The following PRR16 variants were observed in gnomAD, a reference collection of about 807,000 sequenced individuals.
The protein encoded by PRR16 is protein Largen.
PRR16 carries 6 observed loss-of-function variants against 18.2 expected under a neutral mutation model. The ratio of observed to expected loss-of-function variants is 0.33; its 90% CI spans 0.18 to 0.65. PRR16 has a LOEUF of 0.65. Ranked by LOEUF, PRR16 falls within the 30% of genes least tolerant of loss-of-function variation. PRR16 has a pLI of 0.74. For synonymous variants in PRR16, 151 were observed against 147.8 expected, an observed-to-expected ratio of 1.02 and a Z score of -0.16; for missense variants, 412 against 376.6, an observed-to-expected ratio of 1.09 and a Z score of -0.78.
the PRR16 span, among the ~76,000 whole-genome samples, chr5:120,695,918 A>G: frequency 1.0e-5 from 1 of 97,812 alleles, no homozygotes; most frequent in Non-Finnish European, 2.0e-5. Context: ...ATCTTATTCC[A>G]ACATATATAT....
At chr5:120,567,896 A>G (rs902620222) in intron 1 of PRR16, among the ~76,000 whole-genome samples, 1 of 152,114 alleles carries the variant, frequency 6.6e-6, no homozygotes, top group Non-Finnish European at 1.5e-5. Context: ...TAATACATAC[A>G]TGATTTATCA....
At chr5:120,563,142 C>T (rs1752627788) in intron 1 of PRR16, among the ~76,000 whole-genome samples, 1 of 151,896 alleles carries the variant, frequency 6.6e-6, no homozygotes, top group African/African-American at 2.4e-5. Context: ...ATATTTTTGC[C>T]AGCTATATTA....
At position 120,686,799 on chromosome 5, in the gene PRR16, C is replaced by T; in HGVS notation, c.*90C>T. The T allele has an allele frequency of 9.0e-7, 1 of 1,108,502 alleles. No homozygotes were observed. The highest frequency in any genetic ancestry group is 1.2e-6 in the Non-Finnish European group (1 of 835,398). 68.7% of individuals were successfully genotyped at this position (1,108,502 alleles called of 1,614,324 possible). A position where few individuals can be genotyped will look rare whatever the true frequency, so the allele number is the denominator to read the frequency against. On this transcript the variant is annotated 3_prime_UTR_variant, in exon 2 of 2. Coordinates refer to ENST00000407149, the MANE Select transcript of PRR16 (RefSeq NM_001300783.2). Reference sequence around the variant, plus strand: ...CACTTTCTACTCAAGCAATAAAAAGCCCAAATATATTAATCCTGCATTCAG... The same window carrying T: ...CACTTTCTACTCAAGCAATAAAAAGTCCAAATATATTAATCCTGCATTCAG...
downstream of PRR16, among the ~76,000 whole-genome samples, chr5:120,687,899 C>G (rs888766850): frequency 2.0e-5 from 3 of 152,200 alleles, no homozygotes; most frequent in Non-Finnish European, 2.9e-5. Flanking sequence ...TTATTAATTT[C>G]AACTGATGAG....
At chr5:120,667,379 A>G (rs1299310429) in intron 1 of PRR16, among the ~76,000 whole-genome samples, 10 of 150,700 alleles carry the variant, frequency 6.6e-5, no homozygotes, top group South Asian at 2.1e-4. Flanking sequence ...TGGTCTATCA[A>G]TTTTGTTGAT....
the PRR16 span, among the ~76,000 whole-genome samples, chr5:120,778,317 A>G: frequency 0.27 from 41,155 of 151,996 alleles, 5,939 homozygotes; most frequent in Non-Finnish European, 0.32. Flanking sequence ...AGATTTTATT[A>G]ATGTTGCACT....
intron 1 of PRR16, among the ~76,000 whole-genome samples, chr5:120,639,738 C>G (rs1185951973): frequency 2.0e-5 from 3 of 151,476 alleles, no homozygotes; most frequent in Admixed American, 1.3e-4. Flanking sequence ...TTGGAGGGTT[C>G]TCAAAGAACT....
intron 1 of PRR16, among the ~76,000 whole-genome samples, chr5:120,676,029 G>T (rs562532561): frequency 5.3e-5 from 8 of 152,136 alleles, no homozygotes; most frequent in African/African-American, 1.9e-4. Context: ...TTGGAAAAAA[G>T]AATTTAGTAA....
rs567418871 is a variant in PRR16, at chr5:120,572,400, G to T, written c.159+107755G>T. Among the ~76,000 whole-genome samples, 9 of 152,268 alleles carry T rather than the reference G, an allele frequency of 5.9e-5. No homozygotes were observed. In the South Asian group the frequency reaches 1.9e-3, roughly 31 times the overall value. ...ACTTGAGGGTAAAGGAAGAATCAGA[G>T]TTGAACTAATTTTTGTATTTCAACA... On this transcript the variant is annotated intron_variant, in intron 1 of 1. Coordinates refer to ENST00000407149, the MANE Select transcript of PRR16 (RefSeq NM_001300783.2).
At chr5:120,777,002 C>A in the PRR16 span, among the ~76,000 whole-genome samples, 1 of 151,886 alleles carries the variant, frequency 6.6e-6, no homozygotes, top group African/African-American at 2.4e-5. Context: ...ATTCAGAAAT[C>A]CTAGAAGGCT....
chr5:120,732,541 C>G, the PRR16 span, among the ~76,000 whole-genome samples: 1 of 152,164 alleles, frequency 6.6e-6, no homozygotes, highest in Non-Finnish European at 1.5e-5. Context: ...TATATAATTC[C>G]TAAGCAGAAA....
At chr5:120,528,859 G>A (rs186924089) in intron 1 of PRR16, among the ~76,000 whole-genome samples, 33 of 152,288 alleles carry the variant, frequency 2.2e-4, no homozygotes, top group African/African-American at 7.7e-4. Flanking sequence ...ATTATGGATT[G>A]CACAAATATC....
At chr5:120,726,593 T>C in the PRR16 span, among the ~76,000 whole-genome samples, 4 of 152,112 alleles carry the variant, frequency 2.6e-5, no homozygotes. Flanking sequence ...TTTTAATGTT[T>C]CTTAGTTTAG....
the PRR16 span, among the ~76,000 whole-genome samples, chr5:120,787,774 C>T: frequency 1.3e-5 from 2 of 152,004 alleles, no homozygotes; most frequent in Admixed American, 6.6e-5. Context: ...GTAAGTACTT[C>T]CTCCTCCTCC....
intron 1 of PRR16, among the ~76,000 whole-genome samples, chr5:120,480,543 G>A (rs1749577724): frequency 6.6e-6 from 1 of 152,160 alleles, no homozygotes; most frequent in African/African-American, 2.4e-5. Context: ...TACTGACAAT[G>A]TAGTACTATC....
chr5:120,533,645 G>T lies in PRR16; in HGVS notation c.159+69000G>T, dbSNP rs368389621. 1.8e-4 allele frequency among the ~76,000 whole-genome samples: 27 copies of T among 152,140 alleles called. 3 individuals carry two copies. In the East Asian group the frequency reaches 2.9e-3, roughly 16 times the overall value. On this transcript the variant is annotated intron_variant, in intron 1 of 1. Transcript: ENST00000407149. ...AGGGAAAAGTTTCCAAAGCAGGAGC[G>T]TGCCTGGTATATTCAAGGAAGCTTG...
the PRR16 span, among the ~76,000 whole-genome samples, chr5:120,700,617 TGTCCAA>T: frequency 6.6e-6 from 1 of 151,822 alleles, no homozygotes. Flanking sequence ...AAAAGAGTAT[TGTCCAA>T]GTTGGCACCA....
At chr5:120,674,801 A>G (rs1277250741) in intron 1 of PRR16, among the ~76,000 whole-genome samples, 1 of 151,068 alleles carries the variant, frequency 6.6e-6, no homozygotes, top group African/African-American at 2.4e-5. Context: ...ATGTCTTTTA[A>G]CTTTTTTCTT....
intron 1 of PRR16, among the ~76,000 whole-genome samples, chr5:120,668,744 G>T (rs557756911): frequency 6.6e-6 from 1 of 152,052 alleles, no homozygotes; most frequent in Non-Finnish European, 1.5e-5. Flanking sequence ...GAAATTCTAG[G>T]TTGAAAATTC....
Sources: gnomAD v4.1 joint callset for allele counts (sites outside exome capture counted in the v4.1 genomes callset) on GRCh38, gnomAD v4.1.1 for gene constraint, MANE v1.5 for transcripts, NCBI Gene and HGNC (gene_info 2026-07-23, HGNC 2026-07-21) for gene names.